Variants in ZNF365 observed in about 807,000 individuals in gnomAD.
The protein encoded by ZNF365 is zinc finger protein 365.
Under a neutral mutation model 35.0 loss-of-function variants are expected in ZNF365, and 22 were observed. That is an observed-to-expected ratio of 0.63 (90% CI 0.45 to 0.90). The LOEUF (loss-of-function observed/expected upper bound fraction) is 0.90, where lower values mean the gene tolerates loss of function less well. ZNF365 is among the 40% of genes least tolerant of loss of function. ZNF365 has a pLI of 0.00. For synonymous variants in ZNF365, 188 were observed against 196.2 expected, an observed-to-expected ratio of 0.96 and a Z score of 0.35; for missense variants, 448 against 500.3, an observed-to-expected ratio of 0.90 and a Z score of 1.00.
At chr10:62,419,851 T>G (rs1014676198) in intron 3 of ZNF365, among the ~76,000 whole-genome samples, 5 of 152,182 alleles carry the variant, frequency 3.3e-5, no homozygotes, top group Non-Finnish European at 7.3e-5. Flanking sequence ...GTCATGGAAA[T>G]ATCCTCATAT....
At chr10:62,461,526 G>A (rs960214553) in intron 4 of ZNF365, among the ~76,000 whole-genome samples, 23 of 152,276 alleles carry the variant, frequency 1.5e-4, no homozygotes, top group Admixed American at 5.2e-4. Context: ...ACCGTGTTCC[G>A]CACGGAGCTT....
chr10:62,452,543 A>G (rs958315102), intron 3 of ZNF365, among the ~76,000 whole-genome samples: 4 of 152,238 alleles, frequency 2.6e-5, no homozygotes, highest in African/African-American at 9.6e-5. Context: ...CTACATATTA[A>G]GTTATTGCAC....
At chr10:62,430,804 G>A (rs1026560712) in intron 3 of ZNF365, among the ~76,000 whole-genome samples, 4 of 152,122 alleles carry the variant, frequency 2.6e-5, no homozygotes, top group Admixed American at 6.5e-5. Flanking sequence ...AATTTCTTTC[G>A]TTATTTTTCT....
intron 3 of ZNF365, among the ~76,000 whole-genome samples, chr10:62,394,392 T>TGAGGAA (rs1839686962): frequency 6.6e-6 from 1 of 152,220 alleles, no homozygotes; most frequent in Non-Finnish European, 1.5e-5. Flanking sequence ...TCAGTACCAG[T>TGAGGAA]AAGTTCTGCA....
chr10:62,462,493 G>A (rs1053208065), intron 4 of ZNF365, among the ~76,000 whole-genome samples: 2 of 152,212 alleles, frequency 1.3e-5, no homozygotes, highest in African/African-American at 4.8e-5. Flanking sequence ...ACCTCCTAGA[G>A]ATCCCTGGCA....
intron 4 of ZNF365, among the ~76,000 whole-genome samples, chr10:62,471,421 C>T (rs922360837): frequency 1.3e-5 from 2 of 150,216 alleles, no homozygotes; most frequent in Non-Finnish European, 3.0e-5. Context: ...TTTGAAATAG[C>T]ATCATTTACT....
intron 4 of ZNF365, among the ~76,000 whole-genome samples, chr10:62,465,706 C>T (rs1406539904): frequency 6.6e-6 from 1 of 152,176 alleles, no homozygotes; most frequent in Non-Finnish European, 1.5e-5. Context: ...CTCCTCTCTG[C>T]CTGGCTCACC....
At position 62,399,640 on chromosome 10, in the gene ZNF365, C is replaced by T. The variant is rs1330618572; in HGVS notation, c.1075C>T (p.Pro359Ser). The T allele has an allele frequency of 6.2e-7, 1 of 1,614,176 alleles. No homozygotes were observed. The highest frequency in any genetic ancestry group is 8.5e-7 in the Non-Finnish European group (1 of 1,180,040). The stretch of plus-strand genomic sequence containing the variant: ...CAAGGATGACAGAGCCAGCATGCAG[C>T]CTGCCAAGGCCATTCACGAACAGGC... ...KAKDDRASMQ[P>S]AKAIHEQAES... The change falls in exon 5 of 5, where the codon CCT (proline) becomes TCT (serine). Residue 359 changes from proline to serine, a missense_variant. By Grantham distance (74) the Pro-to-Ser change is moderately conservative. Around this residue, in one of 3 missense-constraint regions of ZNF365, gnomAD observed 362 missense variants for 375.7 expected, o/e 0.96. Coordinates refer to ENST00000395254, the MANE Select transcript of ZNF365 (RefSeq NM_014951.3).
chr10:62,402,672 G>A (rs1374619872), downstream of ZNF365, among the ~76,000 whole-genome samples: 1 of 21,690 alleles, frequency 4.6e-5, no homozygotes, highest in Non-Finnish European at 8.6e-5. Context: ...CACTGAGACA[G>A]CTTCATTAAA....
At chr10:62,414,379 T>A (rs200567048) in intron 3 of ZNF365, among the ~76,000 whole-genome samples, 3,423 of 144,696 alleles carry the variant, frequency 0.024, 66 homozygotes, top group East Asian at 0.083. Flanking sequence ...TTTTTTTTTT[T>A]AATTTTGTTT....
At chr10:62,421,807 T>C (rs1333293505) in intron 3 of ZNF365, among the ~76,000 whole-genome samples, 1 of 152,226 alleles carries the variant, frequency 6.6e-6, no homozygotes, top group Admixed American at 6.5e-5. Flanking sequence ...CTGTTTGCTC[T>C]ATGCAGAATA....
At chr10:62,388,600 C>G (rs758257255) in intron 3 of ZNF365, 24 bp downstream of exon 3, 9 of 1,612,022 alleles carry the variant, frequency 5.6e-6, no homozygotes, top group Non-Finnish European at 7.6e-6. Flanking sequence ...GGCCAGCCAC[C>G]GAGTGTAAGA....
rs184563584 is a variant in ZNF365 at position 62,459,765 on chromosome 10, C to T, written c.949C>T (p.Arg317Cys). 4.7e-5 allele frequency: 76 copies of T among 1,610,926 alleles called. No homozygotes were observed. In the East Asian group the frequency reaches 1.1e-3, roughly 23 times the overall value. Residue 317 changes from arginine to cysteine, a missense_variant, in exon 4 of 5, where the codon CGC becomes TGC. Coordinates refer to the ZNF365 transcript ENST00000395255. ...GAGCTGGAAAGGTGCTGGCGAAGCTCGCCTGGTGTGCCAAAATGACCTGGA... is the reference window on the plus strand; with the variant it reads ...GAGCTGGAAAGGTGCTGGCGAAGCTTGCCTGGTGTGCCAAAATGACCTGGA...
At chr10:62,453,659 G>A (rs530969802) in intron 3 of ZNF365, among the ~76,000 whole-genome samples, 3 of 152,122 alleles carry the variant, frequency 2.0e-5, no homozygotes, top group South Asian at 4.1e-4. Context: ...CCAGCAGTGG[G>A]ATTGCTGGAT....
rs749237125 is a variant in ZNF365 at position 62,439,726 on chromosome 10, G to A, written c.925-20015G>A. 1.8e-4 allele frequency among the ~76,000 whole-genome samples: 27 copies of A among 152,190 alleles called. 1 individual carries two copies. The highest frequency in any genetic ancestry group is 3.7e-4 in the Non-Finnish European group (25 of 68,030). ...TTGACAATGTGGAGCTGGTAAATCAGCTCTGAAATGACCATCCTCCAGCTT... is the reference window on the plus strand; with the variant it reads ...TTGACAATGTGGAGCTGGTAAATCAACTCTGAAATGACCATCCTCCAGCTT... On this transcript the variant is annotated intron_variant, in intron 3 of 4. Coordinates refer to the ZNF365 transcript ENST00000395255.
At chr10:62,478,744 T>G (rs1841173298) in intron 4 of ZNF365, among the ~76,000 whole-genome samples, 1 of 152,162 alleles carries the variant, frequency 6.6e-6, no homozygotes, top group Non-Finnish European at 1.5e-5. Context: ...CGGCTAATTT[T>G]TTTGTATTTT....
At chr10:62,429,802 T>C (rs1840307030) in intron 3 of ZNF365, among the ~76,000 whole-genome samples, 1 of 152,210 alleles carries the variant, frequency 6.6e-6, no homozygotes, top group Non-Finnish European at 1.5e-5. Context: ...TGAAGCTAGA[T>C]GTTTTGCCTA....
downstream of ZNF365, among the ~76,000 whole-genome samples, chr10:62,405,993 T>C (rs767238696): frequency 6.6e-6 from 1 of 152,152 alleles, no homozygotes; most frequent in African/African-American, 2.4e-5. Flanking sequence ...AGAGATCTGG[T>C]AGAGGGAACC....
chr10:62,467,848 G>C (rs1027248735), intron 4 of ZNF365, among the ~76,000 whole-genome samples: 7 of 152,092 alleles, frequency 4.6e-5, no homozygotes, highest in Admixed American at 2.0e-4. Flanking sequence ...GTGGCACTCA[G>C]CTGCTCAGTC....
Sources: gnomAD v4.1 joint callset for allele counts (sites outside exome capture counted in the v4.1 genomes callset) on GRCh38, gnomAD v4.1.1 for gene constraint, gnomAD v4.1.1 regional missense constraint, MANE v1.5 for transcripts, NCBI Gene and HGNC (gene_info 2026-07-23, HGNC 2026-07-21) for gene names.